Variants in GRHL2 observed in about 807,000 individuals in gnomAD.
GRHL2 encodes grainyhead like transcription factor 2.
GRHL2 carries 21 observed loss-of-function variants against 83.8 expected under a neutral mutation model. The observed-to-expected ratio is 0.25, with a 90% CI of 0.18 to 0.36. The LOEUF is 0.36. Ranked by LOEUF, GRHL2 falls within the 10% of genes least tolerant of loss-of-function variation. The pLI, the probability that GRHL2 is intolerant of heterozygous loss-of-function variation, is 1.00. For synonymous variants in GRHL2, 280 were observed against 278.9 expected (o/e 1.00, Z -0.04); for missense variants, 623 against 781.8 (o/e 0.80, Z 2.42).
At chr8:101,547,435 T>C (rs1268130273) in intron 2 of GRHL2, among the ~76,000 whole-genome samples, 1 of 152,178 alleles carries the variant, frequency 6.6e-6, no homozygotes, top group Non-Finnish European at 1.5e-5. Flanking sequence ...ATGGACTCTG[T>C]CCACAGGGAG....
Position 101,646,393 on chromosome 8 carries a change from A to C in GRHL2, c.1612+2168A>C, listed in dbSNP as rs1256261668. ...TATTTTGAGATTGTGAAACCAGCAC[A>C]AAAATTGCCTCTAGAAATTGTACTG... On this transcript the variant is annotated intron_variant, in intron 13 of 15. Transcript: ENST00000646743. Among the ~76,000 whole-genome samples, 4 of 152,332 alleles carry C rather than the reference A, an allele frequency of 2.6e-5. No homozygotes were observed. The East Asian group carries it at 7.7e-4, about 29-fold the overall frequency.
At chr8:101,644,719 T>A (rs1282629450) in intron 13 of GRHL2, among the ~76,000 whole-genome samples, 1 of 152,202 alleles carries the variant, frequency 6.6e-6, no homozygotes, top group Non-Finnish European at 1.5e-5. Flanking sequence ...TTGCCCAGCA[T>A]GTCAATGCCA....
rs1209691566 is a variant in GRHL2 at position 101,666,741 on chromosome 8, T to G, written c.*38T>G. Reference sequence around the variant, plus strand: ...CATCCGCTTTGGCTGGAGCTCTCAGTGCGTTCCTCCCTGAGAGAGACAGAA... The same window carrying G: ...CATCCGCTTTGGCTGGAGCTCTCAGGGCGTTCCTCCCTGAGAGAGACAGAA... On this transcript the variant is annotated 3_prime_UTR_variant, in exon 16 of 16. Coordinates refer to ENST00000646743, the MANE Select transcript of GRHL2 (RefSeq NM_024915.4). 2.4e-6 allele frequency: 3 copies of G among 1,247,994 alleles called. No individual in the cohort carries two copies. The highest frequency in any genetic ancestry group is 3.5e-6 in the Non-Finnish European group (3 of 846,574). The allele number at this position is 1,247,994 out of a possible 1,614,324, so 77.3% of individuals were successfully genotyped here. A position where few individuals can be genotyped will look rare whatever the true frequency, so the allele number is the denominator to read the frequency against.
At chr8:101,654,427 A>G (rs1586175131) in intron 14 of GRHL2, among the ~76,000 whole-genome samples, 1 of 152,176 alleles carries the variant, frequency 6.6e-6, no homozygotes, top group African/African-American at 2.4e-5. Flanking sequence ...TGATGCAGCT[A>G]TTTCCACATT....
intron 4 of GRHL2, chr8:101,562,487 A>G (rs1811627899): frequency 3.2e-6 from 1 of 315,190 alleles, no homozygotes; most frequent in South Asian, 4.5e-5. Context: ...CTCAATATGC[A>G]TATTGAACCC....
At chr8:101,673,030 C>A (rs1216967301), downstream of GRHL2, among the ~76,000 whole-genome samples, 5 of 149,820 alleles carry the variant, frequency 3.3e-5, no homozygotes, top group Admixed American at 2.0e-4. Context: ...ACCAGGCCTG[C>A]CCTAAAAGAG....
downstream of GRHL2, among the ~76,000 whole-genome samples, chr8:101,672,304 G>GA (rs1330047518): frequency 2.6e-5 from 4 of 151,438 alleles, no homozygotes; most frequent in South Asian, 2.1e-4. Flanking sequence ...TAAAAACTTT[G>GA]AAAAAAAATT....
rs375774210 is a variant in GRHL2 at position 101,666,549 on chromosome 8, G to T, written c.1764-40G>T. 1.3e-5 allele frequency: 15 copies of T among 1,196,928 alleles called. No homozygotes were observed. In the East Asian group the frequency reaches 2.6e-4, roughly 20 times the overall value. 74.1% of individuals were successfully genotyped at this position (1,196,928 alleles called of 1,614,324 possible). A position where few individuals can be genotyped will look rare whatever the true frequency, so the allele number is the denominator to read the frequency against. ...CCCTTGCCCTGGGCACATTGTTCAC[G>T]GCGTCTTTGTTTTTCACACCCCTCC... On this transcript the variant is annotated intron_variant, in intron 15 of 15. Transcript: ENST00000646743.
At chr8:101,580,638 G>A (rs1377479990) in intron 7 of GRHL2, among the ~76,000 whole-genome samples, 1 of 152,214 alleles carries the variant, frequency 6.6e-6, no homozygotes, top group Non-Finnish European at 1.5e-5. Context: ...TAAGTGGTAT[G>A]TAGGTGGGAT....
rs1188942084 is a variant in GRHL2 at position 101,631,626 on chromosome 8, T to C, written c.1258-11T>C. 2 of 1,611,384 alleles carry C rather than the reference T, an allele frequency of 1.2e-6. No homozygotes were observed. The highest frequency in any genetic ancestry group is 1.7e-6 in the Non-Finnish European group (2 of 1,178,076). ...GCCTGGCATTTTCTGTATTTGTTTT[T>C]TTCCTATCAGGGAGCAGAAAGAAAA... On this transcript the variant is annotated splice_polypyrimidine_tract_variant and intron_variant, in intron 9 of 15. Coordinates refer to ENST00000646743, the MANE Select transcript of GRHL2 (RefSeq NM_024915.4).
chr8:101,619,975 A>G (rs1812932291), intron 9 of GRHL2, among the ~76,000 whole-genome samples: 1 of 151,692 alleles, frequency 6.6e-6, no homozygotes, highest in African/African-American at 2.4e-5. Flanking sequence ...ACAAAAAACC[A>G]TAGACTGGAT....
At chr8:101,531,149 T>C (rs540828926) in intron 1 of GRHL2, among the ~76,000 whole-genome samples, 1 of 151,464 alleles carries the variant, frequency 6.6e-6, no homozygotes, top group East Asian at 1.9e-4. Flanking sequence ...GAGGTTCAGG[T>C]TGCAGTGAGC....
chr8:101,563,235 A>G (rs6997242), intron 4 of GRHL2, among the ~76,000 whole-genome samples: 110 of 152,314 alleles, frequency 7.2e-4, no homozygotes, highest in African/African-American at 2.6e-3. Flanking sequence ...TAAATCCTTA[A>G]CCATATGACT....
chr8:101,541,647 CTCATTGTTCCATGTTGG>C (rs1811156069), intron 1 of GRHL2, among the ~76,000 whole-genome samples: 1 of 152,110 alleles, frequency 6.6e-6, no homozygotes, highest in Non-Finnish European at 1.5e-5. Flanking sequence ...AATACAATGT[CTCATTGTTCCATGTTGG>C]TTCCATTTCA....
At chr8:101,622,451 A>T (rs1422271766) in intron 9 of GRHL2, among the ~76,000 whole-genome samples, 3 of 152,210 alleles carry the variant, frequency 2.0e-5, no homozygotes, top group Non-Finnish European at 4.4e-5. Flanking sequence ...TTACCTGTAG[A>T]TCTAATTCTA....
At chr8:101,512,018 T>G (rs532426272) in intron 1 of GRHL2, among the ~76,000 whole-genome samples, 53 of 152,338 alleles carry the variant, frequency 3.5e-4, no homozygotes, top group Middle Eastern at 3.4e-3. Flanking sequence ...ATTTTTTAAC[T>G]CTTCAGTGTG....
At chr8:101,544,613 G>A (rs906406074) in intron 2 of GRHL2, among the ~76,000 whole-genome samples, 3 of 152,140 alleles carry the variant, frequency 2.0e-5, no homozygotes, top group Admixed American at 1.3e-4. Flanking sequence ...GCTGATGCTG[G>A]GAATTGGCAC....
intron 9 of GRHL2, among the ~76,000 whole-genome samples, chr8:101,630,237 C>T (rs1314748351): frequency 6.6e-6 from 1 of 152,126 alleles, no homozygotes; most frequent in Non-Finnish European, 1.5e-5. Flanking sequence ...GTCATGGCGT[C>T]ATGCTGGCCA....
At chr8:101,611,917 T>C (rs766959297) in intron 8 of GRHL2, among the ~76,000 whole-genome samples, 6 of 151,006 alleles carry the variant, frequency 4.0e-5, no homozygotes, top group Admixed American at 1.3e-4. Context: ...CTCTTCCATC[T>C]CTCTTTCTCC....
Sources: allele counts gnomAD v4.1 joint callset (sites outside exome capture counted in the v4.1 genomes callset), GRCh38; gene constraint gnomAD v4.1.1; transcripts MANE v1.5; gene names NCBI Gene and HGNC (gene_info 2026-07-23, HGNC 2026-07-21).